The following SLC2A14 variants were observed in gnomAD, a reference collection of about 807,000 sequenced individuals.
SLC2A14 encodes the protein solute carrier family 2, facilitated glucose transporter member 14.
Under a neutral mutation model 43.0 loss-of-function variants are expected in SLC2A14, and 13 were observed. The observed-to-expected ratio is 0.30, with a 90% confidence interval of 0.20 to 0.48. The LOEUF (loss-of-function observed/expected upper bound fraction) is 0.48, where lower values mean the gene tolerates loss of function less well. Among genes scored for constraint, SLC2A14 ranks in the 20% least tolerant of loss-of-function variants. SLC2A14 has a pLI of 0.99. For missense variants in SLC2A14, 428 were observed against 620.4 expected, an observed-to-expected ratio of 0.69 and a Z score of 3.29; for synonymous variants, 190 against 233.8, an observed-to-expected ratio of 0.81 and a Z score of 1.71.
chr12:7,879,223 C>CATT (rs1427937161), intron 1 of SLC2A14, among the ~76,000 whole-genome samples: 2 of 150,386 alleles, frequency 1.3e-5, no homozygotes, highest in African/African-American at 4.9e-5. Flanking sequence ...ATGCAGTACT[C>CATT]ATTATTATTA....
intron 1 of SLC2A14, chr12:7,890,901 A>C (rs1277861868): frequency 7.2e-7 from 1 of 1,379,322 alleles, no homozygotes; most frequent in Non-Finnish European, 9.6e-7. Context: ...GTGCTGATTA[A>C]GAGAGACAGG....
At chr12:7,841,689 C>T (rs879767675) in intron 2 of SLC2A14, among the ~76,000 whole-genome samples, 11 of 152,050 alleles carry the variant, frequency 7.2e-5, no homozygotes, top group Admixed American at 5.2e-4. Context: ...TGATATCATA[C>T]GGAACAGCTT....
chr12:7,823,151 G>A (rs1864067954), intron 7 of SLC2A14, among the ~76,000 whole-genome samples: 1 of 152,118 alleles, frequency 6.6e-6, no homozygotes, highest in South Asian at 2.1e-4. Flanking sequence ...GGGAGCCCAA[G>A]GCTGGTGGAT....
chr12:7,871,910 G>C, intron 1 of SLC2A14: 1 of 984,774 alleles, frequency 1.0e-6, no homozygotes, highest in Non-Finnish European at 1.2e-6. Context: ...TGCTCAAGAA[G>C]CCATCTGTCC....
intron 2 of SLC2A14, among the ~76,000 whole-genome samples, chr12:7,864,945 G>C (rs1944828246): frequency 6.6e-6 from 1 of 152,032 alleles, no homozygotes; most frequent in Non-Finnish European, 1.5e-5. Context: ...ACCGTAAAGA[G>C]GCCTTCCCTG....
At chr12:7,842,736 T>G (rs200759101) in intron 2 of SLC2A14, among the ~76,000 whole-genome samples, 9 of 147,514 alleles carry the variant, frequency 6.1e-5, no homozygotes, top group Non-Finnish European at 9.0e-5. Context: ...TTTTTTTTTT[T>G]GTTTTTTTTG....
Position 7,890,985 on chromosome 12 carries a change from G to A in SLC2A14, c.132+11C>T, listed in dbSNP as rs776191711. Reference sequence around the variant, plus strand: ...CCTGCCTTGAAGCATGATCTATCTAGTTCCACTTACCTCCTCCCCGACGCC... The same window carrying A: ...CCTGCCTTGAAGCATGATCTATCTAATTCCACTTACCTCCTCCCCGACGCC... On this transcript the variant is annotated intron_variant, in intron 1 of 9. Transcript: ENST00000539924. The A allele has an allele frequency of 2.0e-6, 3 of 1,533,664 alleles. No homozygotes were observed. In the East Asian group the frequency reaches 7.3e-5, roughly 38 times the overall value.
At chr12:7,838,650 A>T (rs1386354172) in intron 2 of SLC2A14, among the ~76,000 whole-genome samples, 2 of 152,298 alleles carry the variant, frequency 1.3e-5, no homozygotes, top group African/African-American at 4.8e-5. Flanking sequence ...GAAATTTTGG[A>T]TTTGGAACTC....
chr12:7,862,254 A>T lies in SLC2A14; in HGVS notation c.18+7609T>A, dbSNP rs1592281982. ...ACTCCAGCCTGGGCTACAGAGCCAGACTTGTCTCTCAAAAAAAAAAAAAAA... is the reference window on the plus strand; with the variant it reads ...ACTCCAGCCTGGGCTACAGAGCCAGTCTTGTCTCTCAAAAAAAAAAAAAAA... On this transcript the variant is annotated intron_variant, in intron 2 of 10. Transcript: ENST00000431042. Among the ~76,000 whole-genome samples the T allele has an allele frequency of 2.3e-5, 3 of 127,714 alleles. No individual in the cohort carries two copies. The Admixed American group carries it at 2.7e-4, about 12-fold the overall frequency. 83.8% of individuals were successfully genotyped at this position (127,714 alleles called of 152,430 possible).
intron 1 of SLC2A14, among the ~76,000 whole-genome samples, chr12:7,879,931 G>A (rs1003038451): frequency 4.0e-5 from 6 of 151,408 alleles, no homozygotes; most frequent in Admixed American, 2.0e-4. Flanking sequence ...ATTTGAACCT[G>A]GAAGGCGGAG....
At chr12:7,873,451 G>A (rs1423208432), upstream of SLC2A14, 1 of 679,932 alleles carries the variant, frequency 1.5e-6, no homozygotes, top group Non-Finnish European at 1.8e-6. Flanking sequence ...AGACCAGCCT[G>A]GCCAACATGG....
intron 2 of SLC2A14, among the ~76,000 whole-genome samples, chr12:7,840,565 T>A (rs1865867931): frequency 6.6e-6 from 1 of 152,036 alleles, no homozygotes; most frequent in Non-Finnish European, 1.5e-5. Context: ...TTTGTATTTT[T>A]AGTAGAGACA....
intron 2 of SLC2A14, among the ~76,000 whole-genome samples, chr12:7,835,224 T>C (rs748718211): frequency 6.6e-6 from 1 of 152,200 alleles, no homozygotes; most frequent in South Asian, 2.1e-4. Context: ...CCGTCTCTAC[T>C]AAAAATACAA....
upstream of SLC2A14, chr12:7,873,471 G>C (rs1267098093): frequency 5.8e-6 from 3 of 521,134 alleles, no homozygotes; most frequent in Non-Finnish European, 7.4e-6. Context: ...GCGAAACCCA[G>C]TCTTTACTAA....
chr12:7,839,513 G>A (rs1865747682), intron 2 of SLC2A14, among the ~76,000 whole-genome samples: 1 of 152,056 alleles, frequency 6.6e-6, no homozygotes, highest in South Asian at 2.1e-4. Context: ...TTTATATTCC[G>A]AATGTGACAG....
chr12:7,888,444 C>T (rs1945722072), intron 1 of SLC2A14, among the ~76,000 whole-genome samples: 1 of 152,108 alleles, frequency 6.6e-6, no homozygotes, highest in Non-Finnish European at 1.5e-5. Flanking sequence ...AATACGATTA[C>T]AAGAAAGATG....
chr12:7,863,919 G>A (rs1002201557), intron 2 of SLC2A14, among the ~76,000 whole-genome samples: 2 of 151,128 alleles, frequency 1.3e-5, no homozygotes, highest in East Asian at 2.0e-4. Flanking sequence ...GGGTTCAAGC[G>A]ATTCTCCCGC....
intron 10 of SLC2A14, among the ~76,000 whole-genome samples, chr12:7,815,539 G>A (rs10772775): frequency 0.89 from 134,879 of 152,176 alleles, 61,977 homozygotes; most frequent in East Asian, 1. Flanking sequence ...CTTTCATAGC[G>A]TCAGTAATTA....
chr12:7,826,965 TTCTCTC>T (rs377612092), intron 7 of SLC2A14, among the ~76,000 whole-genome samples: 1 of 74,198 alleles, frequency 1.3e-5, no homozygotes, highest in Non-Finnish European at 2.8e-5. Context: ...TTCTCTCTCT[TTCTCTC>T]TCTCTTTCTC....
Sources: gnomAD v4.1 joint callset for allele counts (sites outside exome capture counted in the v4.1 genomes callset) on GRCh38, gnomAD v4.1.1 for gene constraint, MANE v1.5 for transcripts, NCBI Gene and HGNC (gene_info 2026-07-23, HGNC 2026-07-21) for gene names.